The following SGK1 variants were observed in gnomAD, a reference collection of about 807,000 sequenced individuals.
SGK1 encodes serum/glucocorticoid regulated kinase 1, also known as serine/threonine-protein kinase Sgk1.
A neutral mutation model predicts 64.2 loss-of-function variants in SGK1; 26 were observed. The observed-to-expected ratio is 0.40, with a 90% CI of 0.30 to 0.56. The LOEUF is 0.56. Among genes scored for constraint, SGK1 ranks in the 20% least tolerant of loss-of-function variants. SGK1 has a pLI of 0.38. For missense variants in SGK1, 519 were observed against 645.6 expected, an observed-to-expected ratio of 0.80 and a Z score of 2.12; for synonymous variants, 265 against 239.7, an observed-to-expected ratio of 1.11 and a Z score of -0.98.
chr6:134,172,127 C>G, intron 10 of SGK1, 66 bp downstream of exon 10: 1 of 1,572,666 alleles, frequency 6.4e-7, no homozygotes, highest in Admixed American at 1.9e-5. Context: ...TAGTTAAGTG[C>G]ATGATTGTAC....
At chr6:134,220,733 G>A (rs558094100) in intron 2 of SGK1, among the ~76,000 whole-genome samples, 2 of 152,280 alleles carry the variant, frequency 1.3e-5, no homozygotes, top group Non-Finnish European at 2.9e-5. Context: ...GGAGTATAAT[G>A]ACTTAGATGG....
chr6:134,262,221 A>G, intron 1 of SGK1, 73 bp from the exon 2 acceptor site: 1 of 1,133,958 alleles, frequency 8.8e-7, no homozygotes, highest in Non-Finnish European at 1.3e-6. Context: ...ATTTGGTGGG[A>G]AATCTGGTGG....
At chr6:134,208,888 A>ATG (rs201755382) in intron 2 of SGK1, among the ~76,000 whole-genome samples, 3,906 of 52,016 alleles carry the variant, frequency 0.075, 165 homozygotes, top group African/African-American at 0.16. Context: ...ACATACATGT[A>ATG]TGTGTGTGTA....
chr6:134,172,869 A>C, intron 8 of SGK1, 95 bp from the exon 9 acceptor site: 1 of 1,213,834 alleles, frequency 8.2e-7, no homozygotes, highest in Non-Finnish European at 1.2e-6. Flanking sequence ...AGTGGCCCCA[A>C]GTAATCTATT....
intron 2 of SGK1, among the ~76,000 whole-genome samples, chr6:134,237,058 C>CTTTTTCTT (rs1554223394): frequency 7.2e-6 from 1 of 138,356 alleles, no homozygotes; most frequent in Non-Finnish European, 1.5e-5. Flanking sequence ...TTTTCTTTTT[C>CTTTTTCTT]TTTTTTTTTT....
At position 134,206,782 on chromosome 6, in the gene SGK1, G is replaced by A. The variant is rs370963403; in HGVS notation, c.361+574C>T. Among the ~76,000 whole-genome samples, 10 of 149,836 alleles carry A rather than the reference G, an allele frequency of 6.7e-5. No homozygotes were observed. In the South Asian group the frequency reaches 1.5e-3, roughly 22 times the overall value. ...CTTGGGGGGCTGAAGCAGGAGAATC[G>A]CTTGAACCCTGGAGGTGGAGGTTGC... On this transcript the variant is annotated intron_variant, in intron 3 of 13. Transcript: ENST00000367858.
At chr6:134,282,769 C>T (rs1047985849) in intron 1 of SGK1, among the ~76,000 whole-genome samples, 1 of 151,570 alleles carries the variant, frequency 6.6e-6, no homozygotes, top group African/African-American at 2.4e-5. Context: ...TAAATTATGC[C>T]TCAAGACTGC....
At chr6:134,227,055 C>T (rs1177181837) in intron 2 of SGK1, among the ~76,000 whole-genome samples, 4 of 152,182 alleles carry the variant, frequency 2.6e-5, no homozygotes, top group African/African-American at 9.7e-5. Flanking sequence ...TCCCCACCTC[C>T]TGCCCAGCTT....
At chr6:134,259,378 G>A (rs984940767) in intron 2 of SGK1, among the ~76,000 whole-genome samples, 1 of 151,998 alleles carries the variant, frequency 6.6e-6, no homozygotes, top group Non-Finnish European at 1.5e-5. Flanking sequence ...AGTGGCTCAG[G>A]CCTGTAATAC....
At chr6:134,210,644 T>G (rs898453394) in intron 2 of SGK1, among the ~76,000 whole-genome samples, 8 of 150,024 alleles carry the variant, frequency 5.3e-5, no homozygotes, top group African/African-American at 7.4e-5. Flanking sequence ...GCAAACATGG[T>G]GAAACCCCAT....
intron 2 of SGK1, among the ~76,000 whole-genome samples, chr6:134,210,802 AC>A (rs1775875917): frequency 9.3e-6 from 1 of 107,210 alleles, no homozygotes; most frequent in African/African-American, 4.0e-5. Context: ...ACAGAGCAAG[AC>A]TCCGTCTCAA....
intron 1 of SGK1, among the ~76,000 whole-genome samples, chr6:134,292,887 A>G (rs1355044972): frequency 6.6e-6 from 1 of 152,268 alleles, no homozygotes; most frequent in Non-Finnish European, 1.5e-5. Flanking sequence ...CCCAATGATC[A>G]AAATGTCAGA....
intron 13 of SGK1, 27 bp from the exon 14 acceptor site, chr6:134,170,462 T>C: frequency 6.3e-7 from 1 of 1,597,314 alleles, no homozygotes; most frequent in Non-Finnish European, 8.6e-7. Flanking sequence ...AAAACACTCT[T>C]GTCAAGAACT....
At chr6:134,183,807 A>G (rs953856136) in intron 3 of SGK1, among the ~76,000 whole-genome samples, 1 of 151,892 alleles carries the variant, frequency 6.6e-6, no homozygotes, top group African/African-American at 2.4e-5. Flanking sequence ...TCCTATAATA[A>G]TGTCCCACAC....
Position 134,262,012 on chromosome 6 carries a change from A to C in SGK1, c.206T>G (p.Leu69Arg), listed in dbSNP as rs762582048. ...CCCTCTTTGGAAAGCATGTTCACCC[A>C]GGCATGTTTGACACAAGGAAGACTC... The part of the protein sequence containing the change: ...DFESSLCQTC[L>R]GEHAFQRGVL... The change falls in exon 2 of 14, where the codon CTG becomes CGG. Residue 69 changes from leucine (L) to arginine (R), a missense_variant. Coordinates refer to ENST00000367858, the MANE Select transcript of SGK1 (RefSeq NM_001143676.3). The C allele has an allele frequency of 7.2e-5, 116 of 1,613,830 alleles. No individual in the cohort carries two copies. The highest frequency in any genetic ancestry group is 9.2e-5 in the Non-Finnish European group (109 of 1,179,842).
chr6:134,270,861 G>A (rs1356419425), intron 1 of SGK1, among the ~76,000 whole-genome samples: 1 of 147,972 alleles, frequency 6.8e-6, no homozygotes, highest in Non-Finnish European at 1.5e-5. Context: ...AGCTCAGTAA[G>A]TATAAAGTCT....
chr6:134,283,864 T>C (rs1294134418), intron 1 of SGK1, among the ~76,000 whole-genome samples: 1 of 82,394 alleles, frequency 1.2e-5, no homozygotes, highest in Non-Finnish European at 2.1e-5. Context: ...CGCTGTCCCC[T>C]GCCACCACCA....
In SGK1 at chr6:134,207,386, G is replaced by C; in HGVS notation, c.331C>G (p.Pro111Ala). The C allele has an allele frequency of 6.2e-7, 1 of 1,612,362 alleles. No individual in the cohort carries two copies. The highest frequency in any genetic ancestry group is 8.5e-7 in the Non-Finnish European group (1 of 1,178,520). ...NHANILTKPD[P>A]RTFWTNDDPA... ...TCATCATTAGTCCAGAAGGTTCTTGGATCGGGCTTGGTCAGGATGTTGGCA... is the reference window on the plus strand; with the variant it reads ...TCATCATTAGTCCAGAAGGTTCTTGCATCGGGCTTGGTCAGGATGTTGGCA... The change falls in exon 3 of 14, where the codon CCA becomes GCA. Residue 111 changes from proline (P) to alanine (A), a missense_variant. Coordinates refer to ENST00000367858, the MANE Select transcript of SGK1 (RefSeq NM_001143676.3).
At chr6:134,208,759 TAC>T (rs1775833866) in intron 2 of SGK1, among the ~76,000 whole-genome samples, 1 of 72,534 alleles carries the variant, frequency 1.4e-5, no homozygotes, top group South Asian at 1.1e-3. Context: ...TATATATATA[TAC>T]ACATATATAT....
Sources: gnomAD v4.1 joint callset for allele counts (sites outside exome capture counted in the v4.1 genomes callset) on GRCh38, gnomAD v4.1.1 for gene constraint, MANE v1.5 for transcripts, NCBI Gene and HGNC (gene_info 2026-07-23, HGNC 2026-07-21) for gene names.